KAZN: variants seen among roughly 807,000 people sequenced by gnomAD.
KAZN encodes the protein kazrin.
In KAZN, 40 loss-of-function variants were observed where a neutral mutation model predicts 87.4. That is an observed-to-expected ratio of 0.46 (90% CI 0.36 to 0.60). KAZN has a LOEUF of 0.60. Among genes scored for constraint, KAZN ranks in the 20% least tolerant of loss-of-function variants. The probability of loss-of-function intolerance (pLI) is 0.00; values close to 1 mark genes in which losing one functional copy is unlikely to be tolerated. For synonymous variants in KAZN, 466 were observed against 458.3 expected (o/e 1.02, Z -0.22); for missense variants, 898 against 1,073.9 (o/e 0.84, Z 2.29).
Position 14,599,934 on chromosome 1 carries a change from C to G in KAZN, c.226+711C>G, listed in dbSNP as rs981740294. Among the ~76,000 whole-genome samples the G allele has an allele frequency of 6.6e-6, 1 of 151,912 alleles. No individual in the cohort carries two copies. The highest frequency in any genetic ancestry group is 2.4e-5 in the African/African-American group (1 of 41,352). ...TGCAGGGAGCCCGTTTGAAGGGACT[C>G]TGCGGTTTAGAGAAGAGGAAGAAAA... On this transcript the variant is annotated intron_variant, in intron 1 of 14. Transcript: ENST00000376030. This position sits in a 1 kb window ranked among gnomAD's most constrained non-coding sequence, Gnocchi z 4.4.
intron 1 of KAZN, among the ~76,000 whole-genome samples, chr1:14,098,335 AG>A (rs907580844): frequency 6.8e-6 from 1 of 147,322 alleles, no homozygotes; most frequent in African/African-American, 2.4e-5. Flanking sequence ...CAAACAAAGC[AG>A]GGTTTTTTTG....
chr1:14,088,217 C>T (rs566591973), intron 1 of KAZN, among the ~76,000 whole-genome samples: 6 of 151,722 alleles, frequency 4.0e-5, no homozygotes, highest in African/African-American at 1.4e-4. Context: ...TTTCTTAAAG[C>T]GTAAGCTAAG....
chr1:15,091,297 T>G (rs551293011), intron 8 of KAZN, among the ~76,000 whole-genome samples: 1 of 152,304 alleles, frequency 6.6e-6, no homozygotes, highest in South Asian at 2.1e-4. Flanking sequence ...CTACATATAA[T>G]TTTTAAACCA....
intron 2 of KAZN, among the ~76,000 whole-genome samples, chr1:14,557,838 C>T (rs1674005314): frequency 6.6e-6 from 1 of 152,126 alleles, no homozygotes. Context: ...TATTTGTCTT[C>T]CCAGCTCCTG....
chr1:14,739,109 T>G (rs1197876907), intron 1 of KAZN, among the ~76,000 whole-genome samples: 1 of 152,032 alleles, frequency 6.6e-6, no homozygotes, highest in East Asian at 1.9e-4. Flanking sequence ...AGCCCAAGAG[T>G]TGAGGTTGCA....
Position 14,833,501 on chromosome 1 carries a change from G to A in KAZN, c.227-127183G>A, listed in dbSNP as rs138566567. On this transcript the variant is annotated intron_variant, in intron 1 of 14. Transcript: ENST00000376030. ...CACCACAAGGGTTCAATCCTGCTGG[G>A]TGTCTCAGTGTGGAGCACACCCCTC... Among the ~76,000 whole-genome samples the A allele has an allele frequency of 2.2e-3, 329 of 152,312 alleles. 2 individuals are homozygous for A. Among genetic ancestry groups the A allele is most frequent in the African/African-American group, 7.6e-3 (316 of 41,572 alleles).
chr1:13,925,040 A>G (rs942512890), intron 1 of KAZN, among the ~76,000 whole-genome samples: 1 of 152,244 alleles, frequency 6.6e-6, no homozygotes, highest in African/African-American at 2.4e-5. Flanking sequence ...TTATCAGCTC[A>G]CATAGAACCC....
At chr1:14,469,997 A>T (rs1172043072) in intron 2 of KAZN, among the ~76,000 whole-genome samples, 1 of 152,180 alleles carries the variant, frequency 6.6e-6, no homozygotes, top group Non-Finnish European at 1.5e-5. Flanking sequence ...AGCGAACACT[A>T]TTAGGAGGGA....
intron 1 of KAZN, among the ~76,000 whole-genome samples, chr1:14,701,222 G>A (rs181109735): frequency 6.6e-6 from 1 of 152,336 alleles, no homozygotes; most frequent in Non-Finnish European, 1.5e-5. Context: ...CTGGGCTTAA[G>A]TGATCCTCCC....
At chr1:14,409,552 A>T (rs948315489) in intron 2 of KAZN, among the ~76,000 whole-genome samples, 1 of 152,226 alleles carries the variant, frequency 6.6e-6, no homozygotes, top group Non-Finnish European at 1.5e-5. Flanking sequence ...CCCCAACTTG[A>T]AAAGGAGCTC....
intron 2 of KAZN, among the ~76,000 whole-genome samples, chr1:14,527,807 G>T (rs1571867186): frequency 1.3e-5 from 2 of 152,036 alleles, no homozygotes; most frequent in African/African-American, 4.8e-5. Context: ...ATTACCACGA[G>T]GATGACACCA....
chr1:14,880,816 G>T (rs1370718812), intron 1 of KAZN, among the ~76,000 whole-genome samples: 1 of 152,158 alleles, frequency 6.6e-6, no homozygotes, highest in Non-Finnish European at 1.5e-5. Context: ...GGCCTTTGAT[G>T]ACCTGACCTT....
At chr1:14,391,634 C>T (rs1424695739) in intron 2 of KAZN, 2 of 152,270 alleles carry the variant, frequency 1.3e-5, no homozygotes, top group African/African-American at 4.8e-5. Context: ...GAAATCCCAT[C>T]CCTGTTAGTT....
At chr1:14,169,643 G>A (rs10465643) in intron 1 of KAZN, among the ~76,000 whole-genome samples, 2,966 of 152,304 alleles carry the variant, frequency 0.019, 94 homozygotes, top group African/African-American at 0.068. Flanking sequence ...CCTGGTGGTC[G>A]TGTCACAACT....
intron 1 of KAZN, among the ~76,000 whole-genome samples, chr1:14,131,485 G>T (rs1427207438): frequency 6.6e-6 from 1 of 152,116 alleles, no homozygotes; most frequent in South Asian, 2.1e-4. Flanking sequence ...TAGTGTAGAA[G>T]GAGAAACCTT....
chr1:14,950,202 T>C (rs950543512), intron 1 of KAZN, among the ~76,000 whole-genome samples: 2 of 152,008 alleles, frequency 1.3e-5, no homozygotes, highest in African/African-American at 4.8e-5. Context: ...TGGGGATTGC[T>C]GTACTGCTTC....
At chr1:14,243,458 C>T (rs1197087238) in intron 2 of KAZN, among the ~76,000 whole-genome samples, 2 of 152,154 alleles carry the variant, frequency 1.3e-5, no homozygotes, top group African/African-American at 2.4e-5. Flanking sequence ...TCATTTAGAA[C>T]ATAAACGTGG....
chr1:14,651,933 G>A (rs542546918), intron 1 of KAZN, among the ~76,000 whole-genome samples: 1 of 152,302 alleles, frequency 6.6e-6, no homozygotes, highest in African/African-American at 2.4e-5. Context: ...ATCCTTTTGG[G>A]ATGGAAATAG....
chr1:14,609,032 G>A (rs975922190), intron 1 of KAZN, among the ~76,000 whole-genome samples: 2 of 152,056 alleles, frequency 1.3e-5, no homozygotes, highest in African/African-American at 4.8e-5. Flanking sequence ...TTTGATACTG[G>A]GCCTGGAGAG....
Sources: gnomAD v4.1 joint callset for allele counts (sites outside exome capture counted in the v4.1 genomes callset) on GRCh38, gnomAD v4.1.1 for gene constraint, Gnocchi (gnomAD v3.1) non-coding constraint, MANE v1.5 for transcripts, NCBI Gene and HGNC (gene_info 2026-07-23, HGNC 2026-07-21) for gene names.